TSKS: variants seen among roughly 807,000 people sequenced by gnomAD.
The protein encoded by TSKS is testis-specific serine kinase substrate.
A neutral mutation model predicts 68.0 loss-of-function variants in TSKS; 27 were observed. The observed-to-expected ratio is 0.40, with a 90% CI of 0.29 to 0.55. The LOEUF (loss-of-function observed/expected upper bound fraction) is 0.55. Ranked by LOEUF, TSKS falls within the 20% of genes least tolerant of loss-of-function variation. The pLI is 0.53. For missense variants in TSKS, 806 were observed against 776.0 expected (o/e 1.04, Z -0.46); for synonymous variants, 331 against 340.4 (o/e 0.97, Z 0.30).
chr19:49,744,343 G>C lies in TSKS; in HGVS notation c.1249C>G (p.Leu417Val). 1 of 1,614,102 alleles carries C rather than the reference G, an allele frequency of 6.2e-7. No individual in the cohort carries two copies. The highest frequency in any genetic ancestry group is 8.5e-7 in the Non-Finnish European group (1 of 1,180,030). ...LRSELEGLGPLKPILEEFGRQ... is the reference protein window; with the variant it reads ...LRSELEGLGPVKPILEEFGRQ... ...CCGAACTCCTCCAGAATGGGTTTCAGTGGGCCCAGCCCCTCCAGTTCGCTC... is the reference window on the plus strand; with the variant it reads ...CCGAACTCCTCCAGAATGGGTTTCACTGGGCCCAGCCCCTCCAGTTCGCTC... Residue 417 changes from leucine to valine, a missense_variant, in exon 8 of 11, where the codon CTG (leucine) becomes GTG (valine). Leu to Val is a conservative substitution (Grantham distance 32, BLOSUM62 1). Coordinates refer to ENST00000246801, the MANE Select transcript of TSKS (RefSeq NM_021733.2).
chr19:49,748,567 G>T, intron 2 of TSKS, 98 bp from the exon 3 acceptor site: 1 of 1,184,166 alleles, frequency 8.4e-7, no homozygotes, highest in South Asian at 1.4e-5. Context: ...TTTACACCTT[G>T]ATTTTGCCCT....
At chr19:49,761,804 G>GA (rs144846671) in intron 2 of TSKS, among the ~76,000 whole-genome samples, 200 bp downstream of exon 2, 3,069 of 148,656 alleles carry the variant, frequency 0.021, 101 homozygotes, top group African/African-American at 0.069. Flanking sequence ...TCTAAAGGAA[G>GA]AAAAAAAAAA....
chr19:49,746,323 T>TC (rs2084299278), intron 6 of TSKS, 147 bp downstream of exon 6: 5 of 915,310 alleles, frequency 5.5e-6, no homozygotes, highest in East Asian at 5.3e-5. Flanking sequence ...CCACCTCAGG[T>TC]CCCCGAGGCT....
At chr19:49,762,361 G>A in intron 1 of TSKS, 129 bp from the exon 2 acceptor site, 1 of 631,032 alleles carries the variant, frequency 1.6e-6, no homozygotes, top group South Asian at 2.0e-5. Context: ...TCCCTTCTCT[G>A]TCCCCGCTGC....
chr19:49,746,109 G>A (rs975068618), intron 6 of TSKS, among the ~76,000 whole-genome samples: 1 of 152,130 alleles, frequency 6.6e-6, no homozygotes, highest in Non-Finnish European at 1.5e-5. Context: ...CGTGAACCCG[G>A]GAGGCGGAGC....
intron 3 of TSKS, 101 bp from the exon 4 acceptor site, chr19:49,748,269 A>G: frequency 5.1e-6 from 8 of 1,562,058 alleles, no homozygotes; most frequent in Non-Finnish European, 6.2e-6. Context: ...TCTGAGCCTC[A>G]AGCTCCCCAA....
chr19:49,745,492 C>T (rs576854442), intron 6 of TSKS, 96 bp from the exon 7 acceptor site: 429 of 1,077,124 alleles, frequency 4.0e-4, no homozygotes, highest in Non-Finnish European at 5.2e-4. Flanking sequence ...ACCTATCTCG[C>T]CCCACTGAGA....
rs1014294707 is a variant in TSKS at position 49,740,295 on chromosome 19, C to T, written c.1498-112G>A. The T allele has an allele frequency of 3.8e-5, 50 of 1,331,422 alleles. No individual in the cohort carries two copies. In the African/African-American group the frequency reaches 6.0e-4, roughly 16 times the overall value. The allele number at this position is 1,331,422 out of a possible 1,614,324, so 82.5% of individuals were successfully genotyped here. A position where few individuals can be genotyped will look rare whatever the true frequency, so the allele number is the denominator to read the frequency against. ...GGTCCCATGGGGCCCACATTTCTCC[C>T]TCAGAGTTTCCCATCATGCCTTGAG... is the stretch of plus-strand genomic sequence containing the variant. On this transcript the variant is annotated intron_variant, in intron 9 of 10. Transcript: ENST00000246801.
At chr19:49,758,729 G>A (rs1164058140) in intron 2 of TSKS, among the ~76,000 whole-genome samples, 1 of 152,116 alleles carries the variant, frequency 6.6e-6, no homozygotes, top group Non-Finnish European at 1.5e-5. Flanking sequence ...CAGCCCAAGG[G>A]AGTCTTGGGG....
rs745628160 is a variant in TSKS at position 49,745,251 on chromosome 19, C to T, written c.1138G>A (p.Ala380Thr). The change falls in exon 7 of 11, where the codon GCG becomes ACG. Residue 380 changes from alanine (A) to threonine (T), a missense_variant. Physicochemically the swap from Ala to Thr is moderately conservative, Grantham distance 58 (BLOSUM62 0). Transcript: ENST00000246801. ...CCTCGCAGCTCCTGCAAGTCCCGCG[C>T]CGTCTGTGCCTGTTCGCGCTGTGCC... ...ERAQREQAQT[A>T]RDLQELRGRA... is the part of the protein sequence containing the mutation. The T allele has an allele frequency of 5.6e-6, 9 of 1,607,838 alleles. No homozygotes were observed. The South Asian group carries it at 8.8e-5, about 16-fold the overall frequency.
chr19:49,753,423 G>A (rs540517157), intron 2 of TSKS, among the ~76,000 whole-genome samples: 8 of 151,898 alleles, frequency 5.3e-5, no homozygotes, highest in Non-Finnish European at 7.4e-5. Flanking sequence ...TTAGCTGGAC[G>A]TGGTGGCGGG....
chr19:49,754,870 C>G (rs2084380947), intron 2 of TSKS, among the ~76,000 whole-genome samples: 1 of 151,914 alleles, frequency 6.6e-6, no homozygotes, highest in South Asian at 2.1e-4. Context: ...GAGGCCAAGG[C>G]AGGCGGATCA....
At chr19:49,750,725 C>T (rs2084343082) in intron 2 of TSKS, among the ~76,000 whole-genome samples, 1 of 152,122 alleles carries the variant, frequency 6.6e-6, no homozygotes, top group South Asian at 2.1e-4. Flanking sequence ...GGCTGGAAGG[C>T]AGTGGCGAGA....
At chr19:49,746,274 A>G (rs2084298620) in intron 6 of TSKS, among the ~76,000 whole-genome samples, 196 bp downstream of exon 6, 1 of 147,200 alleles carries the variant, frequency 6.8e-6, no homozygotes, top group South Asian at 2.2e-4. Context: ...CCGTGTCTCT[A>G]CCCACCTTCG....
In TSKS at chr19:49,763,194, G is replaced by A. The variant is rs561877884; in HGVS notation, c.54C>T (p.Ala18=). 5.8e-5 allele frequency: 92 copies of A among 1,579,600 alleles called. No individual in the cohort carries two copies. The African/African-American group carries it at 6.2e-4, about 11-fold the overall frequency. The change falls in exon 1 of 11, where the codon GCC becomes GCT. Residue 18 remains alanine (A), a synonymous_variant. Transcript: ENST00000246801. The surrounding 1 kb of genome is among the most constrained non-coding windows in gnomAD (Gnocchi z 4.5). ...TIWQSKEIHE[A]GDTPTGVESC... ...TCTCCACCCCCGTGGGGGTGTCCCC[G>A]GCCTCATGGATCTCTTTGGACTGCC...
chr19:49,748,729 G>T (rs1270808128), intron 2 of TSKS, among the ~76,000 whole-genome samples: 1 of 152,116 alleles, frequency 6.6e-6, no homozygotes, highest in East Asian at 1.9e-4. Flanking sequence ...GGGGTGCTCA[G>T]ACATGTGGAG....
At chr19:49,748,547 G>T in intron 2 of TSKS, 78 bp from the exon 3 acceptor site, 1 of 1,407,082 alleles carries the variant, frequency 7.1e-7, no homozygotes, top group South Asian at 1.2e-5. Context: ...TCCAGAACTG[G>T]GAGGCTGTGT....
At chr19:49,743,371 T>A (rs1426685406) in intron 8 of TSKS, among the ~76,000 whole-genome samples, 1 of 150,706 alleles carries the variant, frequency 6.6e-6, no homozygotes, top group Non-Finnish European at 1.5e-5. Flanking sequence ...AGCCACTGCG[T>A]CCACCCTTTT....
At chr19:49,745,554 C>A (rs182608218) in intron 6 of TSKS, among the ~76,000 whole-genome samples, 158 bp from the exon 7 acceptor site, 2 of 152,254 alleles carry the variant, frequency 1.3e-5, no homozygotes, top group Admixed American at 6.5e-5. Flanking sequence ...ATTGCACCCT[C>A]CATTTGGTGA....
Sources: allele counts gnomAD v4.1 joint callset (sites outside exome capture counted in the v4.1 genomes callset), GRCh38; gene constraint gnomAD v4.1.1; non-coding constraint Gnocchi (gnomAD v3.1); transcripts MANE v1.5; gene names NCBI Gene and HGNC (gene_info 2026-07-23, HGNC 2026-07-21).